SVOP: variants seen among roughly 807,000 people sequenced by gnomAD.
SVOP encodes synaptic vesicle 2-related protein.
SVOP carries 17 observed loss-of-function variants against 69.1 expected under a neutral mutation model. The ratio of observed to expected loss-of-function variants is 0.25; its 90% CI spans 0.17 to 0.37. The LOEUF is 0.37. SVOP is among the 10% of genes least tolerant of loss of function. SVOP has a pLI of 1.00. For missense variants in SVOP, 435 were observed against 597.5 expected (o/e 0.73, Z 2.84); for synonymous variants, 238 against 238.6 (o/e 1.00, Z 0.02).
chr12:108,953,236 CCTCCTGGGTTCAAGCGATT>C (rs948744091), intron 6 of SVOP, among the ~76,000 whole-genome samples: 3 of 150,066 alleles, frequency 2.0e-5, no homozygotes, highest in African/African-American at 7.4e-5. Flanking sequence ...GCAACCTCCA[CCTCCTGGGTTCAAGCGATT>C]CTCCTGCCTC....
chr12:108,930,158 G>A (rs2039807534), intron 11 of SVOP, among the ~76,000 whole-genome samples: 1 of 152,132 alleles, frequency 6.6e-6, no homozygotes, highest in Admixed American at 6.5e-5. Context: ...ATTCAAATTT[G>A]CATGGAAACA....
chr12:109,018,199 A>G (rs1488702947), intron 1 of SVOP, among the ~76,000 whole-genome samples: 1 of 152,204 alleles, frequency 6.6e-6, no homozygotes, highest in Non-Finnish European at 1.5e-5. Flanking sequence ...GACCTAGAAA[A>G]GTCTGATTTG....
chr12:108,966,937 A>AAAT (rs200129316), intron 5 of SVOP, among the ~76,000 whole-genome samples: 23,709 of 152,082 alleles, frequency 0.16, 2,220 homozygotes, highest in Middle Eastern at 0.26. Flanking sequence ...CAAGCTTGGC[A>AAAT]GTGGTATAAT....
At chr12:108,973,305 T>C (rs1462780401) in intron 4 of SVOP, among the ~76,000 whole-genome samples, 2 of 152,178 alleles carry the variant, frequency 1.3e-5, no homozygotes, top group Non-Finnish European at 2.9e-5. Context: ...GCATTTCTTG[T>C]GGCATGTCCG....
At chr12:108,957,281 A>G (rs2039990894) in intron 6 of SVOP, among the ~76,000 whole-genome samples, 3 of 152,164 alleles carry the variant, frequency 2.0e-5, no homozygotes, top group Admixed American at 1.3e-4. Flanking sequence ...CTCCTGCCTC[A>G]GCCTCCCAAG....
intron 10 of SVOP, 48 bp downstream of exon 10, chr12:108,937,216 G>C: frequency 6.3e-7 from 1 of 1,596,652 alleles, no homozygotes; most frequent in Non-Finnish European, 8.6e-7. Flanking sequence ...CCCAAAACAG[G>C]GCACAGGGAG....
At chr12:108,933,395 A>G (rs1324689513) in intron 11 of SVOP, among the ~76,000 whole-genome samples, 3 of 151,326 alleles carry the variant, frequency 2.0e-5, no homozygotes, top group Middle Eastern at 6.8e-3. Context: ...TAATAATAAT[A>G]GGCCAGGCAC....
At chr12:108,944,510 T>A (rs553641173) in intron 7 of SVOP, among the ~76,000 whole-genome samples, 1 of 152,286 alleles carries the variant, frequency 6.6e-6, no homozygotes, top group South Asian at 2.1e-4. Flanking sequence ...ATGTCCAGCA[T>A]GAGCAAATAA....
Position 108,908,374 on chromosome 12 carries a change from A to T in SVOP, c.*4161T>A, listed in dbSNP as rs1295926178. 1 of 152,268 alleles carries T rather than the reference A, an allele frequency of 6.6e-6. No individual in the cohort carries two copies. Among genetic ancestry groups the T allele is most frequent in the Non-Finnish European group, 1.5e-5 (1 of 68,040 alleles). 9.4% of individuals were successfully genotyped at this position (152,268 alleles called of 1,614,324 possible). ...CCCATCAACCAAAGCTGCACTGCAG[A>T]TGCATTTTATTGAGCTCACACATCA... is the stretch of plus-strand genomic sequence containing the variant. On this transcript the variant is annotated 3_prime_UTR_variant, in exon 16 of 16. Coordinates refer to ENST00000610966, the MANE Select transcript of SVOP (RefSeq NM_018711.5).
At chr12:108,945,008 TAAACTCCC>T in intron 7 of SVOP, 87 bp downstream of exon 7, 3 of 1,199,796 alleles carry the variant, frequency 2.5e-6, no homozygotes, top group African/African-American at 3.1e-5. Context: ...GTTTTTTTCT[TAAACTCCC>T]TTTTCCTTGA....
chr12:108,931,043 A>T (rs988266763), intron 11 of SVOP, among the ~76,000 whole-genome samples: 1 of 152,194 alleles, frequency 6.6e-6, no homozygotes, highest in African/African-American at 2.4e-5. Flanking sequence ...TAGTTTAAGC[A>T]TTAGGATGCT....
intron 1 of SVOP, among the ~76,000 whole-genome samples, chr12:109,020,577 A>G (rs2040391133): frequency 6.6e-6 from 1 of 152,184 alleles, no homozygotes; most frequent in East Asian, 1.9e-4. Flanking sequence ...AGCAATTAAA[A>G]GGGGAATCAT....
chr12:108,997,142 C>T (rs1351942689), intron 1 of SVOP, among the ~76,000 whole-genome samples: 1 of 151,814 alleles, frequency 6.6e-6, no homozygotes, highest in Non-Finnish European at 1.5e-5. Context: ...GGCATTGCCT[C>T]ACTTGGGAAG....
chr12:108,957,891 G>C (rs535258335), intron 6 of SVOP, among the ~76,000 whole-genome samples: 1 of 152,228 alleles, frequency 6.6e-6, no homozygotes, highest in South Asian at 2.1e-4. Context: ...GAACTCAACT[G>C]TGAGCTCCAT....
Position 108,938,939 on chromosome 12 carries a change from G to A in SVOP, c.785C>T (p.Ala262Val). The A allele has an allele frequency of 6.2e-7, 1 of 1,613,960 alleles. No homozygotes were observed. Among genetic ancestry groups the A allele is most frequent in the Non-Finnish European group, 8.5e-7 (1 of 1,179,862 alleles). Residue 262 changes from alanine (A) to valine (V), a missense_variant, in exon 9 of 16, where the codon GCA becomes GTA. Physicochemically the swap from Ala to Val is moderately conservative, Grantham distance 64 (BLOSUM62 0). Coordinates refer to ENST00000610966, the MANE Select transcript of SVOP (RefSeq NM_018711.5). ...GTTCCCTGACAGCACATCATACCTTGCACTTTCAGGCAGCCACTGGGATGG... is the reference window on the plus strand; with the variant it reads ...GTTCCCTGACAGCACATCATACCTTACACTTTCAGGCAGCCACTGGGATGG... ...AVLCFWLPESARYDVLSGNQE... is the reference protein window; with the variant it reads ...AVLCFWLPESVRYDVLSGNQE...
intron 4 of SVOP, among the ~76,000 whole-genome samples, chr12:108,975,704 A>T (rs1190523032): frequency 6.6e-6 from 1 of 152,058 alleles, no homozygotes; most frequent in African/African-American, 2.4e-5. Flanking sequence ...AGTTATTATT[A>T]TTATTGTTGT....
At chr12:108,932,924 G>T (rs1383834441) in intron 11 of SVOP, among the ~76,000 whole-genome samples, 2 of 152,094 alleles carry the variant, frequency 1.3e-5, no homozygotes, top group African/African-American at 4.8e-5. Context: ...TGTCGCCTAG[G>T]CTGGAGTGCA....
chr12:108,943,591 C>CT (rs2137408744), intron 7 of SVOP, among the ~76,000 whole-genome samples: 2 of 96,736 alleles, frequency 2.1e-5, no homozygotes, highest in South Asian at 9.2e-4. Flanking sequence ...GAGAGAAACT[C>CT]TGTCTCACAA....
At chr12:108,934,681 C>T (rs1450728323) in intron 10 of SVOP, among the ~76,000 whole-genome samples, 2 of 152,144 alleles carry the variant, frequency 1.3e-5, no homozygotes, top group Non-Finnish European at 2.9e-5. Context: ...GTAAAGAAGC[C>T]AGCTATGAAT....
Sources: gnomAD v4.1 joint callset for allele counts (sites outside exome capture counted in the v4.1 genomes callset) on GRCh38, gnomAD v4.1.1 for gene constraint, MANE v1.5 for transcripts, NCBI Gene and HGNC (gene_info 2026-07-23, HGNC 2026-07-21) for gene names.